Variants in VGLL4 observed in about 807,000 individuals in gnomAD.
VGLL4 encodes vestigial like family member 4, also known as transcription cofactor vestigial-like protein 4.
In VGLL4, 7 loss-of-function variants were observed where a neutral mutation model predicts 21.0. The ratio of observed to expected loss-of-function variants is 0.33; its 90% confidence interval spans 0.19 to 0.63. The LOEUF (loss-of-function observed/expected upper bound fraction) is 0.63. Among genes scored for constraint, VGLL4 ranks in the 20% least tolerant of loss-of-function variants. The pLI, the probability that VGLL4 is intolerant of heterozygous loss-of-function variation, is 0.78. For synonymous variants in VGLL4, 222 were observed against 173.2 expected (o/e 1.28, Z -2.21); for missense variants, 394 against 425.7 (o/e 0.93, Z 0.66).
rs866846724 is a variant in VGLL4, at chr3:11,662,076, C to T, written c.64+40895G>A. 4.6e-5 allele frequency among the ~76,000 whole-genome samples: 7 copies of T among 152,240 alleles called. 1 individual carries two copies. The highest frequency in any genetic ancestry group is 3.4e-3 in the Middle Eastern group (1 of 294). On this transcript the variant is annotated intron_variant, in intron 2 of 5. Coordinates refer to the VGLL4 transcript ENST00000273038. The stretch of plus-strand genomic sequence containing the variant: ...TAGCTGCAGACTTTCTGGAACAAAG[C>T]CCAAGAAAGCTATCAGAAGAAACAT...
chr3:11,573,716 A>G (rs2073945744), intron 2 of VGLL4, among the ~76,000 whole-genome samples: 1 of 152,222 alleles, frequency 6.6e-6, no homozygotes, highest in African/African-American at 2.4e-5. Context: ...ATCTTTTCAT[A>G]CACTTACTGA....
At chr3:11,576,750 C>T (rs759514379) in intron 2 of VGLL4, among the ~76,000 whole-genome samples, 12 of 152,224 alleles carry the variant, frequency 7.9e-5, no homozygotes, top group Admixed American at 1.3e-4. Flanking sequence ...CTCTGAGCTC[C>T]GCTGGAAAGG....
upstream of VGLL4, chr3:11,643,960 G>A: frequency 1.0e-6 from 1 of 993,122 alleles, no homozygotes; most frequent in Non-Finnish European, 1.2e-6. Context: ...CCCGCAGGAG[G>A]CCGAGCATGC....
rs374575351 is a variant in VGLL4, at chr3:11,626,856, T to C, written c.82+16581A>G. On this transcript the variant is annotated intron_variant, in intron 1 of 4. Coordinates refer to ENST00000430365, the MANE Select transcript of VGLL4 (RefSeq NM_001128219.3). ...TAAAGAGCTCTAGGATCTCAAATCA[T>C]GTGCACAATACAGAGAAGTGCTAAT... Among the ~76,000 whole-genome samples the C allele has an allele frequency of 3.3e-5, 5 of 149,862 alleles. No homozygotes were observed. In the East Asian group the frequency reaches 7.9e-4, roughly 24 times the overall value.
chr3:11,591,851 A>C (rs2074506508), intron 2 of VGLL4, among the ~76,000 whole-genome samples: 1 of 152,260 alleles, frequency 6.6e-6, no homozygotes, highest in Non-Finnish European at 1.5e-5. Context: ...ATGGGAATGG[A>C]AACACACACA....
At chr3:11,681,729 T>C (rs2076374128) in intron 2 of VGLL4, among the ~76,000 whole-genome samples, 1 of 152,250 alleles carries the variant, frequency 6.6e-6, no homozygotes, top group Non-Finnish European at 1.5e-5. Flanking sequence ...GAGGCACAGA[T>C]GCCTCAGGCT....
intron 1 of VGLL4, among the ~76,000 whole-genome samples, chr3:11,709,063 A>AAAT (rs564467863): frequency 3.3e-4 from 50 of 151,870 alleles, no homozygotes; most frequent in Non-Finnish European, 5.6e-4. Flanking sequence ...TCCATCTCAA[A>AAAT]AATAATAATA....
At chr3:11,679,031 T>G (rs1257351750) in intron 2 of VGLL4, among the ~76,000 whole-genome samples, 4 of 152,206 alleles carry the variant, frequency 2.6e-5, no homozygotes, top group African/African-American at 4.8e-5. Context: ...TACAATTACG[T>G]GCAGTATATA....
chr3:11,573,299 GAAAGAAAGGAAGGAAGGAAGA>G (rs2073890551), intron 2 of VGLL4, among the ~76,000 whole-genome samples: 1 of 16,964 alleles, frequency 5.9e-5, no homozygotes, highest in African/African-American at 4.4e-4. Context: ...AAGAAAGAAA[GAAAGAAAGGAAGGAAGGAAGA>G]AAGAAAGAAA....
At chr3:11,586,944 G>A (rs2074375078) in intron 2 of VGLL4, among the ~76,000 whole-genome samples, 1 of 152,224 alleles carries the variant, frequency 6.6e-6, no homozygotes, top group African/African-American at 2.4e-5. Flanking sequence ...GGAAGTTGGA[G>A]AATCCAAACT....
At chr3:11,609,844 A>C (rs901168317) in intron 1 of VGLL4, among the ~76,000 whole-genome samples, 16 of 152,224 alleles carry the variant, frequency 1.1e-4, no homozygotes, top group Non-Finnish European at 1.9e-4. Context: ...TGAAATGAGA[A>C]TGTCTTTATG....
chr3:11,563,254 C>T (rs904135064), intron 3 of VGLL4, among the ~76,000 whole-genome samples: 2 of 152,194 alleles, frequency 1.3e-5, no homozygotes, highest in African/African-American at 4.8e-5. Flanking sequence ...CCTCCATACC[C>T]GTGTCCTTCA....
chr3:11,667,525 G>C (rs1244621336), intron 2 of VGLL4, among the ~76,000 whole-genome samples: 1 of 151,944 alleles, frequency 6.6e-6, no homozygotes, highest in East Asian at 1.9e-4. Context: ...TTACCTATTA[G>C]GCTATATCAC....
At chr3:11,562,162 G>GTCCAAATCCTCAAC (rs2073081473) in intron 3 of VGLL4, among the ~76,000 whole-genome samples, 1 of 152,072 alleles carries the variant, frequency 6.6e-6, no homozygotes. Flanking sequence ...CCCCCAAAGG[G>GTCCAAATCCTCAAC]CTGGGATTAC....
intron 2 of VGLL4, among the ~76,000 whole-genome samples, chr3:11,650,458 T>A (rs1278047641): frequency 6.6e-6 from 1 of 152,184 alleles, no homozygotes; most frequent in East Asian, 1.9e-4. Context: ...AAAAGCCAAA[T>A]GATCAAAATC....
intron 1 of VGLL4, among the ~76,000 whole-genome samples, chr3:11,616,608 C>T (rs925242657): frequency 6.6e-6 from 1 of 152,218 alleles, no homozygotes; most frequent in African/African-American, 2.4e-5. Flanking sequence ...CACATCACCC[C>T]AAAAACTGAC....
intron 2 of VGLL4, among the ~76,000 whole-genome samples, chr3:11,658,455 G>A (rs1022807127): frequency 4.0e-5 from 6 of 151,846 alleles, no homozygotes; most frequent in Non-Finnish European, 8.8e-5. Context: ...AAGCTGACCT[G>A]TAAAACGGAA....
chr3:11,561,077 C>G (rs138379398), intron 3 of VGLL4, among the ~76,000 whole-genome samples: 64 of 152,166 alleles, frequency 4.2e-4, no homozygotes, highest in African/African-American at 1.5e-3. Context: ...CAGAGATGGC[C>G]AGGCCCTTCC....
intron 1 of VGLL4, among the ~76,000 whole-genome samples, chr3:11,713,974 G>A (rs1234364942): frequency 2.0e-5 from 3 of 152,136 alleles, no homozygotes; most frequent in Admixed American, 1.3e-4. Flanking sequence ...GAGGGCAGGG[G>A]TACGATACTT....
Sources: allele counts gnomAD v4.1 joint callset (sites outside exome capture counted in the v4.1 genomes callset), GRCh38; gene constraint gnomAD v4.1.1; transcripts MANE v1.5; gene names NCBI Gene and HGNC (gene_info 2026-07-23, HGNC 2026-07-21).